The following LRRTM4 variants were observed in gnomAD, a reference collection of about 807,000 sequenced individuals.
The protein encoded by LRRTM4 is leucine-rich repeat transmembrane neuronal protein 4.
Under a neutral mutation model 47.6 loss-of-function variants are expected in LRRTM4, and 25 were observed. That is an observed-to-expected ratio of 0.53 (90% CI 0.38 to 0.73). The LOEUF (loss-of-function observed/expected upper bound fraction) is 0.73, where lower values mean the gene tolerates loss of function less well. Among genes scored for constraint, LRRTM4 ranks in the 30% least tolerant of loss-of-function variants. The probability of loss-of-function intolerance (pLI) is 0.00; values close to 1 mark genes in which losing one functional copy is unlikely to be tolerated. For missense variants in LRRTM4, 638 were observed against 713.4 expected (o/e 0.89, Z 1.20); for synonymous variants, 311 against 269.5 (o/e 1.15, Z -1.51).
At chr2:76,881,734 AAC>A (rs1190489510) in intron 3 of LRRTM4, among the ~76,000 whole-genome samples, 2 of 152,056 alleles carry the variant, frequency 1.3e-5, no homozygotes, top group Non-Finnish European at 2.9e-5. Context: ...CCTGTTATAT[AAC>A]AGTTTTTTCC....
At chr2:77,477,915 GA>G (rs1176036447) in intron 3 of LRRTM4, among the ~76,000 whole-genome samples, 1 of 48,878 alleles carries the variant, frequency 2.0e-5, no homozygotes, top group African/African-American at 8.4e-5. Flanking sequence ...AAGAAAGAAA[GA>G]AAGAAAGAAA....
intron 3 of LRRTM4, among the ~76,000 whole-genome samples, chr2:77,483,357 GA>G (rs1677789554): frequency 6.6e-6 from 1 of 151,948 alleles, no homozygotes; most frequent in Non-Finnish European, 1.5e-5. Flanking sequence ...TTTAGTGGTG[GA>G]GGGGGACAGT....
intron 3 of LRRTM4, among the ~76,000 whole-genome samples, chr2:77,378,526 T>C (rs58767660): frequency 0.046 from 7,030 of 152,180 alleles, 236 homozygotes; most frequent in East Asian, 0.097. Context: ...TTTTCAACAA[T>C]TGGGTAATTT....
At chr2:77,365,690 G>T (rs952081603) in intron 3 of LRRTM4, among the ~76,000 whole-genome samples, 1 of 151,210 alleles carries the variant, frequency 6.6e-6, no homozygotes, top group African/African-American at 2.4e-5. Flanking sequence ...TAAACTTGAT[G>T]GAATACTATG....
chr2:77,227,849 TGG>T (rs1558643667), intron 3 of LRRTM4, among the ~76,000 whole-genome samples: 2 of 152,014 alleles, frequency 1.3e-5, no homozygotes, highest in Admixed American at 6.6e-5. Context: ...CATTAAAATA[TGG>T]TTATACTTTC....
intron 3 of LRRTM4, among the ~76,000 whole-genome samples, chr2:76,866,322 A>G (rs1054128875): frequency 1.6e-4 from 24 of 152,202 alleles, no homozygotes; most frequent in African/African-American, 4.3e-4. Context: ...GAGCTCGCCT[A>G]CATGAAACAA....
chr2:77,420,542 C>T (rs955092399), intron 3 of LRRTM4, among the ~76,000 whole-genome samples: 5 of 151,282 alleles, frequency 3.3e-5, no homozygotes, highest in East Asian at 2.0e-4. Context: ...GGAGAAAGGA[C>T]GTACAGGTAT....
At chr2:77,382,324 A>T (rs952536070) in intron 3 of LRRTM4, among the ~76,000 whole-genome samples, 2 of 152,150 alleles carry the variant, frequency 1.3e-5, no homozygotes, top group African/African-American at 2.4e-5. Context: ...TTTGCTTTTA[A>T]CCATATAATT....
At chr2:77,499,768 T>G (rs536837410) in intron 3 of LRRTM4, among the ~76,000 whole-genome samples, 1 of 151,968 alleles carries the variant, frequency 6.6e-6, no homozygotes, top group African/African-American at 2.4e-5. Context: ...TTAATAATCT[T>G]TATTTATATA....
intron 3 of LRRTM4, among the ~76,000 whole-genome samples, chr2:77,374,776 G>C (rs1672771058): frequency 6.6e-6 from 1 of 151,660 alleles, no homozygotes; most frequent in Non-Finnish European, 1.5e-5. Flanking sequence ...AATATTCTGT[G>C]GTTGTACCAC....
chr2:77,077,652 A>T (rs1207976875), intron 3 of LRRTM4, among the ~76,000 whole-genome samples: 1 of 152,154 alleles, frequency 6.6e-6, no homozygotes, highest in African/African-American at 2.4e-5. Flanking sequence ...ATCCACAAAG[A>T]CATCTAGCAT....
chr2:76,920,284 G>T (rs1019772590), intron 3 of LRRTM4, among the ~76,000 whole-genome samples: 1 of 152,070 alleles, frequency 6.6e-6, no homozygotes. Flanking sequence ...AAACATTGAT[G>T]TAAACCTCTA....
intron 3 of LRRTM4, among the ~76,000 whole-genome samples, chr2:77,303,565 ACTACT>A (rs1212110609): frequency 6.6e-6 from 1 of 152,210 alleles, no homozygotes. Context: ...CAAAGGGCAT[ACTACT>A]CTGTCCTCAA....
intron 3 of LRRTM4, among the ~76,000 whole-genome samples, chr2:77,251,721 AC>A (rs1675622737): frequency 6.6e-6 from 1 of 152,190 alleles, no homozygotes; most frequent in South Asian, 2.1e-4. Context: ...AGCCAGAACT[AC>A]TTAGCACCAC....
intron 3 of LRRTM4, among the ~76,000 whole-genome samples, chr2:77,217,027 T>A (rs1350486395): frequency 2.0e-5 from 3 of 149,494 alleles, no homozygotes; most frequent in South Asian, 2.1e-4. Context: ...GAGCCGAGAT[T>A]GCGCCACTGC....
chr2:77,457,182 C>T (rs1393144823), intron 3 of LRRTM4, among the ~76,000 whole-genome samples: 1 of 150,970 alleles, frequency 6.6e-6, no homozygotes, highest in African/African-American at 2.4e-5. Context: ...CTAGTCATTT[C>T]CCAGAGTTTT....
At chr2:76,992,040 G>A (rs1283013929) in intron 3 of LRRTM4, among the ~76,000 whole-genome samples, 3 of 151,730 alleles carry the variant, frequency 2.0e-5, no homozygotes, top group African/African-American at 4.8e-5. Context: ...AAAACCATAT[G>A]CTCATCTCAA....
intron 3 of LRRTM4, among the ~76,000 whole-genome samples, chr2:76,897,845 A>G (rs759305461): frequency 1.3e-5 from 2 of 152,184 alleles, no homozygotes; most frequent in Non-Finnish European, 2.9e-5. Flanking sequence ...CTGCCTGGCC[A>G]ATTAATACTA....
At chr2:76,776,092 A>C (rs976787982) in intron 3 of LRRTM4, among the ~76,000 whole-genome samples, 87 of 152,226 alleles carry the variant, frequency 5.7e-4, no homozygotes, top group African/African-American at 2.0e-3. Context: ...TGAACTCATC[A>C]TTTTTTATGG....
Sources: allele counts gnomAD v4.1 joint callset (sites outside exome capture counted in the v4.1 genomes callset), GRCh38; gene constraint gnomAD v4.1.1; transcripts MANE v1.5; gene names NCBI Gene and HGNC (gene_info 2026-07-23, HGNC 2026-07-21).